NEB: variants seen among roughly 807,000 people sequenced by gnomAD.
NEB encodes nemaline myopathy type 2.
A neutral mutation model predicts 952.2 loss-of-function variants in NEB; 512 were observed. The ratio of observed to expected loss-of-function variants is 0.54; its 90% CI spans 0.50 to 0.58. The LOEUF is 0.58. Ranked by LOEUF, NEB falls within the 20% of genes least tolerant of loss-of-function variation. The probability of loss-of-function intolerance (pLI) is 0.00; values close to 1 mark genes in which losing one functional copy is unlikely to be tolerated. For missense variants in NEB, 8,428 were observed against 9,231.1 expected (o/e 0.91, Z 3.56); for synonymous variants, 2,900 against 3,149.8 (o/e 0.92, Z 2.66).
Position 151,630,757 on chromosome 2 carries a change from T to C in NEB, c.9681A>G (p.Pro3227=), listed in dbSNP as rs374863223. 1.9e-6 allele frequency: 3 copies of C among 1,611,622 alleles called. No individual in the cohort carries two copies. In the African/African-American group the frequency reaches 4.0e-5, roughly 22 times the overall value. ...KTQIHIMPDT[P]EIMLARQNKI... ...TGTTCTGCCTTGCCAACATAATCTCTGGTGTATCAGGCATTATGTGAATTT... is the reference window on the plus strand; with the variant it reads ...TGTTCTGCCTTGCCAACATAATCTCCGGTGTATCAGGCATTATGTGAATTT... The change falls in exon 67 of 182, where the codon CCA becomes CCG. Residue 3227 remains proline (P), a synonymous_variant. Transcript: ENST00000397345.
intron 139 of NEB, 67 bp from the exon 140 acceptor site, chr2:151,538,043 T>C: frequency 6.5e-7 from 1 of 1,532,292 alleles, no homozygotes; most frequent in Non-Finnish European, 9.0e-7. Context: ...GGCTTCTTTC[T>C]GGAGAATTTC....
At chr2:151,565,228 C>T in intron 116 of NEB, 80 bp from the exon 117 acceptor site, 1 of 816,934 alleles carries the variant, frequency 1.2e-6, no homozygotes. Flanking sequence ...CATAATCAGT[C>T]CACGTTTAAA....
chr2:151,498,458 G>T, intron 169 of NEB, 106 bp from the exon 170 acceptor site: 1 of 737,630 alleles, frequency 1.4e-6, no homozygotes, highest in Non-Finnish European at 2.2e-6. Context: ...GTAAGTTAGA[G>T]GAAGAGAAAT....
At chr2:151,552,081 T>C (rs1339378220) in intron 128 of NEB, among the ~76,000 whole-genome samples, 4 of 152,084 alleles carry the variant, frequency 2.6e-5, no homozygotes, top group South Asian at 2.1e-4. Flanking sequence ...TCCAAAATAA[T>C]AGGTCTCAAT....
At chr2:151,680,582 T>C in intron 30 of NEB, 148 bp downstream of exon 30, 1 of 569,644 alleles carries the variant, frequency 1.8e-6, no homozygotes, top group Non-Finnish European at 3.0e-6. Context: ...GCATGCTTTA[T>C]TAATGAACAG....
chr2:151,637,898 AG>A (rs1336060191), intron 63 of NEB, among the ~76,000 whole-genome samples: 1 of 152,224 alleles, frequency 6.6e-6, no homozygotes, highest in African/African-American at 2.4e-5. Flanking sequence ...TAATTACTTA[AG>A]ATGGTGGCAA....
At chr2:151,692,229 C>T in intron 21 of NEB, 32 bp downstream of exon 21, 1 of 1,608,878 alleles carries the variant, frequency 6.2e-7, no homozygotes, top group Non-Finnish European at 8.5e-7. Context: ...GGAAAGCCCT[C>T]CTACCCGAAA....
intron 117 of NEB, among the ~76,000 whole-genome samples, chr2:151,564,435 G>A (rs1024921584): frequency 6.6e-6 from 1 of 152,196 alleles, no homozygotes; most frequent in African/African-American, 2.4e-5. Flanking sequence ...TTATAGGCGT[G>A]AGCCACCATG....
intron 71 of NEB, 97 bp from the exon 72 acceptor site, chr2:151,621,123 C>T: frequency 1.2e-6 from 1 of 802,076 alleles, no homozygotes; most frequent in Non-Finnish European, 2.1e-6. Context: ...TGCAAAACTA[C>T]ATGAGTATGT....
intron 54 of NEB, among the ~76,000 whole-genome samples, chr2:151,648,135 C>T (rs1239308273): frequency 1.3e-5 from 2 of 152,188 alleles, no homozygotes; most frequent in African/African-American, 4.8e-5. Context: ...TGCACACACA[C>T]ATACACACAT....
At position 151,631,209 on chromosome 2, in the gene NEB, T is replaced by G; in HGVS notation, c.9552A>C (p.Lys3184Asn). 6.2e-7 allele frequency: 1 copy of G among 1,613,928 alleles called. No individual in the cohort carries two copies. ...NIYRQPPDKL[K>N]FTSVTDSLEQ... The stretch of plus-strand genomic sequence containing the variant: ...CTAGAGAATCAGTCACACTGGTAAA[T>G]TTCAGCTTGTCCGGAGGCTGGCGGT... The change falls in exon 66 of 182, where the codon AAA (lysine) becomes AAC (asparagine). Residue 3184 changes from lysine to asparagine, a missense_variant. This residue lies in a region of NEB where 1,772 missense variants were observed against 1,960.3 expected (regional missense o/e 0.90). Transcript: ENST00000397345.
At position 151,563,703 on chromosome 2, in the gene NEB, GTC is replaced by G. The variant is rs758964961; in HGVS notation, c.18594_18595del (p.Glu6198AspfsTer3). ...GTAGTGACCTTTCTGCTTCTCATAT[GTC>G]TCTTTGTATTTAAGCTGTAAAGTGG... On this transcript the variant is annotated frameshift_variant, in exon 119 of 182. Coordinates refer to ENST00000397345, the MANE Select transcript of NEB (RefSeq NM_001164508.2). LOFTEE classifies it high-confidence loss of function. 1.2e-6 allele frequency: 2 copies of G among 1,613,510 alleles called. No homozygotes were observed. Among genetic ancestry groups the G allele is most frequent in the African/African-American group, 2.7e-5 (2 of 74,894 alleles).
intron 62 of NEB, among the ~76,000 whole-genome samples, chr2:151,639,621 G>T (rs2098822664): frequency 6.6e-6 from 1 of 152,130 alleles, no homozygotes; most frequent in African/African-American, 2.4e-5. Flanking sequence ...CATATTTTAT[G>T]CAGACTATTT....
At position 151,609,931 on chromosome 2, in the gene NEB, C is replaced by A. The variant is rs372283650; in HGVS notation, c.12208G>T (p.Ala4070Ser). ...SPVDMLSILL[A>S]KKCQTLVTDI... ...GTGACCAAAGTCTGACATTTCTTGGCCAGCAAGATGCTTAACATGTCCACT... is the reference window on the plus strand; with the variant it reads ...GTGACCAAAGTCTGACATTTCTTGGACAGCAAGATGCTTAACATGTCCACT... Residue 4070 changes from alanine to serine, a missense_variant, in exon 81 of 182, where the codon GCC becomes TCC. Around this residue, in one of 11 missense-constraint regions of NEB, gnomAD observed 337 missense variants for 297.5 expected, o/e 1.13. Transcript: ENST00000397345. The A allele has an allele frequency of 1.9e-6, 3 of 1,613,948 alleles. No individual in the cohort carries two copies. Among genetic ancestry groups the A allele is most frequent in the Non-Finnish European group, 2.5e-6 (3 of 1,179,856 alleles).
chr2:151,731,058 A>G (rs573473619), intron 3 of NEB, among the ~76,000 whole-genome samples: 4 of 152,300 alleles, frequency 2.6e-5, no homozygotes, highest in African/African-American at 9.6e-5. Context: ...TCATTCCTCC[A>G]GTCACACAAA....
chr2:151,485,811 C>A lies in NEB; in HGVS notation c.25527G>T (p.Gln8509His). Residue 8509 changes from glutamine (Q) to histidine (H), a missense_variant, in exon 182 of 182, where the codon CAG becomes CAT. By Grantham distance (24) the Gln-to-His change is conservative. Transcript: ENST00000397345. ...GGAGCATTCCGGTCCTGCCAGTCCTCTGCACAGTGCCATACATCCAGCCTT... is the reference window on the plus strand; with the variant it reads ...GGAGCATTCCGGTCCTGCCAGTCCTATGCACAGTGCCATACATCCAGCCTT... Reference protein sequence around the residue: ...IDEGWMYGTVQRTGRTGMLPA... With the variant: ...IDEGWMYGTVHRTGRTGMLPA... 6.2e-7 allele frequency: 1 copy of A among 1,614,092 alleles called. No individual in the cohort carries two copies. The highest frequency in any genetic ancestry group is 8.5e-7 in the Non-Finnish European group (1 of 1,179,940).
At position 151,679,796 on chromosome 2, in the gene NEB, G is replaced by A; in HGVS notation, c.3180C>T (p.Ser1060=). The A allele has an allele frequency of 6.2e-7, 1 of 1,613,568 alleles. No individual in the cohort carries two copies. The highest frequency in any genetic ancestry group is 1.6e-4 in the Middle Eastern group (1 of 6,062). ...NMYKADLKDL[S]KKGYDLRTDA... ...CAGTTCTCAGGTCATATCCCTTCTT[G>A]CTCAAGTCTTTCAAGTCTGCTTTGT... The change falls in exon 32 of 182, where the codon AGC becomes AGT. Residue 1060 remains serine (S), a synonymous_variant. Coordinates refer to ENST00000397345, the MANE Select transcript of NEB (RefSeq NM_001164508.2).
chr2:151,523,031 T>G (rs2083037080), intron 153 of NEB, among the ~76,000 whole-genome samples: 1 of 152,194 alleles, frequency 6.6e-6, no homozygotes, highest in Non-Finnish European at 1.5e-5. Flanking sequence ...CCTCTTGATT[T>G]TCAAAAACAA....
In NEB at chr2:151,516,433, T is replaced by A. The variant is rs1559451060; in HGVS notation, c.22905+26A>T. 6.1e-6 allele frequency: 9 copies of A among 1,466,664 alleles called. No individual in the cohort carries two copies. In the Admixed American group the frequency reaches 6.8e-5, roughly 11 times the overall value. 90.9% of individuals were successfully genotyped at this position (1,466,664 alleles called of 1,614,324 possible). On this transcript the variant is annotated intron_variant, in intron 157 of 181. Coordinates refer to ENST00000397345, the MANE Select transcript of NEB (RefSeq NM_001164508.2). The stretch of plus-strand genomic sequence containing the variant: ...GTTCAGTAGTGTGATGGATCATTGT[T>A]GTGTGGTGTGGTTTTTTTGACTTAC...
Sources: allele counts gnomAD v4.1 joint callset (sites outside exome capture counted in the v4.1 genomes callset), GRCh38; gene constraint gnomAD v4.1.1; regional missense constraint gnomAD v4.1.1; transcripts MANE v1.5; gene names NCBI Gene and HGNC (gene_info 2026-07-23, HGNC 2026-07-21).